ACER2: variants seen among roughly 807,000 people sequenced by gnomAD.
ACER2 encodes alkCDase 2.
ACER2 carries 26 observed loss-of-function variants against 34.7 expected under a neutral mutation model. That is an observed-to-expected ratio of 0.75 (90% CI 0.55 to 1.04). The LOEUF is 1.04. Among genes scored for constraint, ACER2 ranks in the 50% least tolerant of loss-of-function variants. ACER2 has a pLI of 0.00. For missense variants in ACER2, 352 were observed against 340.8 expected (o/e 1.03, Z -0.26); for synonymous variants, 138 against 132.1 (o/e 1.04, Z -0.31).
At chr9:19,424,346 G>A in intron 2 of ACER2, 4 of 982,576 alleles carry the variant, frequency 4.1e-6, no homozygotes, top group Non-Finnish European at 4.8e-6. Flanking sequence ...AAATACTTGT[G>A]TCATTTCCAT....
chr9:19,439,176 G>C (rs1831064081), intron 4 of ACER2, among the ~76,000 whole-genome samples: 1 of 152,166 alleles, frequency 6.6e-6, no homozygotes, highest in Non-Finnish European at 1.5e-5. Context: ...CATCACTAAA[G>C]CTAATTGGTC....
At chr9:19,430,824 G>A (rs1589050218) in intron 3 of ACER2, among the ~76,000 whole-genome samples, 1 of 152,168 alleles carries the variant, frequency 6.6e-6, no homozygotes, top group Non-Finnish European at 1.5e-5. Flanking sequence ...TTAGGGTGGT[G>A]GCAGGTGCCT....
At chr9:19,442,778 G>A (rs1193024199) in intron 4 of ACER2, among the ~76,000 whole-genome samples, 1 of 151,800 alleles carries the variant, frequency 6.6e-6, no homozygotes, top group Non-Finnish European at 1.5e-5. Context: ...TTCAAGGCAA[G>A]AGGCCTATTT....
intron 1 of ACER2, among the ~76,000 whole-genome samples, chr9:19,415,564 TATC>T (rs746783051): frequency 1.3e-5 from 2 of 152,078 alleles, no homozygotes; most frequent in Non-Finnish European, 1.5e-5. Context: ...AAGTTTTACA[TATC>T]ATAATTTTGC....
chr9:19,424,351 T>C (rs1031617097), intron 2 of ACER2: 1 of 984,182 alleles, frequency 1.0e-6, no homozygotes, highest in African/African-American at 1.7e-5. Context: ...CTTGTGTCAT[T>C]TCCATTTCCT....
intron 4 of ACER2, among the ~76,000 whole-genome samples, chr9:19,441,673 A>G (rs1831161672): frequency 6.6e-6 from 1 of 151,958 alleles, no homozygotes; most frequent in Non-Finnish European, 1.5e-5. Context: ...TAATTATATT[A>G]TTTATATTGT....
intron 2 of ACER2, 181 bp from the exon 3 acceptor site, chr9:19,424,519 T>C (rs1830502627): frequency 1.0e-6 from 1 of 985,216 alleles, no homozygotes; most frequent in Admixed American, 6.2e-5. Context: ...TGAAATCTTC[T>C]TTCTAGACTG....
At position 19,452,231 on chromosome 9, in the gene ACER2, C is replaced by A. The variant is rs1442904388; in HGVS notation, c.*1595C>A. 2.0e-5 allele frequency among the ~76,000 whole-genome samples: 3 copies of A among 152,206 alleles called. No individual in the cohort carries two copies. The highest frequency in any genetic ancestry group is 4.8e-5 in the African/African-American group (2 of 41,450). On this transcript the variant is annotated 3_prime_UTR_variant, in exon 6 of 6. Coordinates refer to ENST00000340967, the MANE Select transcript of ACER2 (RefSeq NM_001010887.3). ...GGTGTGTTCTTCTGTGGGCAGGAGT[C>A]ATGTCACTGTCCTACATATGTAAGA... is the stretch of plus-strand genomic sequence containing the variant.
At position 19,435,087 on chromosome 9, in the gene ACER2, A is replaced by T; in HGVS notation, c.503+3A>T. 6.2e-7 allele frequency: 1 copy of T among 1,614,068 alleles called. No homozygotes were observed. The highest frequency in any genetic ancestry group is 8.5e-7 in the Non-Finnish European group (1 of 1,179,966). The stretch of plus-strand genomic sequence containing the variant: ...CTGCTCATCGCAGAGCTAAAGAGGT[A>T]GGTGCCATCATTCCTGCCTACCCTT... On this transcript the variant is annotated splice_donor_region_variant and intron_variant, in intron 4 of 5. Coordinates refer to ENST00000340967, the MANE Select transcript of ACER2 (RefSeq NM_001010887.3).
At chr9:19,433,840 AC>A (rs1379749522) in intron 3 of ACER2, among the ~76,000 whole-genome samples, 1 of 144,236 alleles carries the variant, frequency 6.9e-6, no homozygotes, top group Non-Finnish European at 1.5e-5. Flanking sequence ...GGGGCTCCTC[AC>A]TTCCCAGTAG....
At chr9:19,446,452 CA>C in intron 5 of ACER2, 34 bp downstream of exon 5, 7 of 1,613,486 alleles carry the variant, frequency 4.3e-6, no homozygotes, top group Non-Finnish European at 5.9e-6. Flanking sequence ...TGGCCGGGGA[CA>C]GGTGTGTTTG....
chr9:19,410,544 T>C (rs1830057200), intron 1 of ACER2, among the ~76,000 whole-genome samples: 1 of 152,204 alleles, frequency 6.6e-6, no homozygotes, highest in East Asian at 1.9e-4. Flanking sequence ...ACCTCATCTC[T>C]ACAAAAAAAT....
At chr9:19,438,765 A>C (rs1831052213) in intron 4 of ACER2, among the ~76,000 whole-genome samples, 1 of 152,148 alleles carries the variant, frequency 6.6e-6, no homozygotes, top group South Asian at 2.1e-4. Flanking sequence ...AGAAAAGGGA[A>C]AGGGAAAGGT....
At chr9:19,415,981 C>T (rs1484574837) in intron 1 of ACER2, among the ~76,000 whole-genome samples, 4 of 151,292 alleles carry the variant, frequency 2.6e-5, no homozygotes, top group Admixed American at 6.6e-5. Context: ...GTGACATATA[C>T]GTACCTATTC....
intron 3 of ACER2, among the ~76,000 whole-genome samples, chr9:19,429,000 G>A (rs925493653): frequency 1.3e-5 from 2 of 151,814 alleles, no homozygotes; most frequent in Admixed American, 6.6e-5. Context: ...AGGTTGGCCA[G>A]GCTGGTCTCG....
At chr9:19,418,174 G>A (rs1830291705) in intron 1 of ACER2, among the ~76,000 whole-genome samples, 1 of 152,108 alleles carries the variant, frequency 6.6e-6, no homozygotes, top group Non-Finnish European at 1.5e-5. Flanking sequence ...TTAGAATGGC[G>A]ATCATTAAAA....
At chr9:19,414,767 C>T (rs1830191551) in intron 1 of ACER2, among the ~76,000 whole-genome samples, 1 of 151,792 alleles carries the variant, frequency 6.6e-6, no homozygotes, top group Non-Finnish European at 1.5e-5. Flanking sequence ...AAAATGTACT[C>T]CTTGAGAGGC....
chr9:19,409,461 C>A (rs149022402), intron 1 of ACER2, among the ~76,000 whole-genome samples: 253 of 152,298 alleles, frequency 1.7e-3, no homozygotes, highest in African/African-American at 6.0e-3. Flanking sequence ...GGCCCCCACG[C>A]GTCCAGGAAC....
At chr9:19,435,545 G>A (rs1419506925) in intron 4 of ACER2, among the ~76,000 whole-genome samples, 1 of 152,196 alleles carries the variant, frequency 6.6e-6, no homozygotes, top group Admixed American at 6.5e-5. Context: ...ATTAGGTAAA[G>A]GTTTTGCTCT....
Sources: allele counts gnomAD v4.1 joint callset (sites outside exome capture counted in the v4.1 genomes callset), GRCh38; gene constraint gnomAD v4.1.1; transcripts MANE v1.5; gene names NCBI Gene and HGNC (gene_info 2026-07-23, HGNC 2026-07-21).